PRKN: variants seen among roughly 807,000 people sequenced by gnomAD.
The protein encoded by PRKN is E3 ubiquitin-protein ligase parkin.
In PRKN, 56 loss-of-function variants were observed where a neutral mutation model predicts 59.5. The observed-to-expected ratio is 0.94, with a 90% confidence interval of 0.76 to 1.18. The LOEUF is 1.18. PRKN is among the 50% of genes most tolerant of loss of function. PRKN has a pLI of 0.00. For synonymous variants in PRKN, 250 were observed against 222.1 expected (o/e 1.13, Z -1.12); for missense variants, 657 against 596.4 (o/e 1.10, Z -1.06).
intron 7 of PRKN, among the ~76,000 whole-genome samples, chr6:161,626,808 C>T (rs1350005198): frequency 1.3e-5 from 2 of 152,222 alleles, no homozygotes; most frequent in Non-Finnish European, 2.9e-5. Context: ...GGCATTTATT[C>T]AGCACAAATT....
intron 5 of PRKN, among the ~76,000 whole-genome samples, chr6:162,030,705 C>T (rs1783602628): frequency 6.6e-6 from 1 of 152,120 alleles, no homozygotes; most frequent in Admixed American, 6.5e-5. Flanking sequence ...AATGAGAGAC[C>T]TGAGACCCTG....
chr6:162,359,725 A>G (rs1397891877), intron 2 of PRKN, among the ~76,000 whole-genome samples: 1 of 152,188 alleles, frequency 6.6e-6, no homozygotes, highest in East Asian at 1.9e-4. Flanking sequence ...TTCAGTGGTC[A>G]AATACGTTCA....
In PRKN at chr6:161,463,327, G is replaced by T. The variant is rs2115170784; in HGVS notation, c.1084-76450C>A. On this transcript the variant is annotated intron_variant, in intron 9 of 11. Coordinates refer to ENST00000366898, the MANE Select transcript of PRKN (RefSeq NM_004562.3). This position sits in a 1 kb window ranked among gnomAD's most constrained non-coding sequence, Gnocchi z 4.8. ...CCAGCTTTCAGAATGACGACTGTTT[G>T]GTTCTACCTGGCTTATCCTTACTGA... 6.6e-6 allele frequency among the ~76,000 whole-genome samples: 1 copy of T among 152,262 alleles called. No individual in the cohort carries two copies. The highest frequency in any genetic ancestry group is 2.1e-4 in the South Asian group (1 of 4,822).
At chr6:162,694,969 T>C (rs952778775) in intron 1 of PRKN, 2 of 152,216 alleles carry the variant, frequency 1.3e-5, no homozygotes, top group African/African-American at 2.4e-5. Context: ...TTTGTCAGTA[T>C]GCTTTTCATC....
At chr6:162,101,485 G>T (rs1457667961) in intron 4 of PRKN, among the ~76,000 whole-genome samples, 1 of 151,524 alleles carries the variant, frequency 6.6e-6, no homozygotes, top group Non-Finnish European at 1.5e-5. Context: ...TGGCTAACGT[G>T]GAGAAACCCT....
intron 1 of PRKN, among the ~76,000 whole-genome samples, chr6:162,681,371 G>T (rs1052221361): frequency 1.3e-5 from 2 of 152,158 alleles, no homozygotes; most frequent in Non-Finnish European, 2.9e-5. Flanking sequence ...ATTGAGGCAG[G>T]AGAATAGAGT....
At chr6:162,589,211 G>C (rs1484233498) in intron 1 of PRKN, among the ~76,000 whole-genome samples, 2 of 152,068 alleles carry the variant, frequency 1.3e-5, no homozygotes, top group Non-Finnish European at 2.9e-5. Context: ...ATACCCTTGA[G>C]ATAGTTCACA....
At chr6:162,174,247 AAATT>A (rs1418383180) in intron 4 of PRKN, among the ~76,000 whole-genome samples, 3 of 152,302 alleles carry the variant, frequency 2.0e-5, no homozygotes, top group African/African-American at 7.2e-5. Flanking sequence ...CACATATAGA[AAATT>A]TGTATCTTTA....
intron 9 of PRKN, among the ~76,000 whole-genome samples, chr6:161,389,781 C>G (rs530240189): frequency 6.6e-6 from 1 of 152,128 alleles, no homozygotes; most frequent in South Asian, 2.1e-4. Context: ...AAGGGAAAAC[C>G]GTTCACATCT....
chr6:162,475,613 G>A (rs1419495131), intron 1 of PRKN, among the ~76,000 whole-genome samples: 2 of 152,234 alleles, frequency 1.3e-5, no homozygotes, highest in Non-Finnish European at 2.9e-5. Flanking sequence ...GAGTGTGCAT[G>A]TGAGTGTACG....
chr6:162,408,298 A>C (rs913493045), intron 2 of PRKN, among the ~76,000 whole-genome samples: 15 of 152,170 alleles, frequency 9.9e-5, no homozygotes, highest in Admixed American at 6.5e-5. Context: ...TTCAGAAAAA[A>C]AAAACAAAAC....
intron 4 of PRKN, among the ~76,000 whole-genome samples, chr6:162,171,424 G>A (rs1364344416): frequency 6.6e-6 from 1 of 152,054 alleles, no homozygotes; most frequent in African/African-American, 2.4e-5. Flanking sequence ...CTTTTCTGAT[G>A]ATTTGGCTGA....
At chr6:161,772,498 C>A (rs1176527139) in intron 7 of PRKN, among the ~76,000 whole-genome samples, 1 of 152,138 alleles carries the variant, frequency 6.6e-6, no homozygotes, top group Non-Finnish European at 1.5e-5. Context: ...TGAGGTGGAA[C>A]CACCCAAAAC....
At chr6:161,982,030 A>C (rs1158294778) in intron 5 of PRKN, among the ~76,000 whole-genome samples, 4 of 152,212 alleles carry the variant, frequency 2.6e-5, no homozygotes, top group Admixed American at 1.3e-4. Flanking sequence ...AAGAAGTCTA[A>C]CTTAAAACAA....
chr6:161,890,097 C>G (rs927103942), intron 6 of PRKN, among the ~76,000 whole-genome samples: 3 of 152,198 alleles, frequency 2.0e-5, no homozygotes, highest in African/African-American at 7.2e-5. Flanking sequence ...ATTCTGCCGT[C>G]TCCCTTGTGT....
At chr6:162,643,408 A>AAAAAAG (rs1481272112) in intron 1 of PRKN, among the ~76,000 whole-genome samples, 1 of 150,172 alleles carries the variant, frequency 6.7e-6, no homozygotes, top group African/African-American at 2.4e-5. Flanking sequence ...AAAAAAAAAA[A>AAAAAAG]AAAAAAAGAA....
rs1779739362 is a variant in PRKN, at chr6:162,559,226, A to G, written c.8-115753T>C. On this transcript the variant is annotated intron_variant, in intron 1 of 11. Coordinates refer to ENST00000366898, the MANE Select transcript of PRKN (RefSeq NM_004562.3). ...TCAAACATTTTTGTGTTACCAGGAAATTCACTATAGAGAGAATGAAAACTA... is the reference window on the plus strand; with the variant it reads ...TCAAACATTTTTGTGTTACCAGGAAGTTCACTATAGAGAGAATGAAAACTA... Among the ~76,000 whole-genome samples the G allele has an allele frequency of 2.0e-5, 3 of 151,890 alleles. No individual in the cohort carries two copies. In the South Asian group the frequency reaches 6.2e-4, roughly 32 times the overall value.
At chr6:162,400,419 G>A (rs1410141125) in intron 2 of PRKN, among the ~76,000 whole-genome samples, 1 of 113,846 alleles carries the variant, frequency 8.8e-6, no homozygotes, top group Non-Finnish European at 1.7e-5. Flanking sequence ...AAATAAATCA[G>A]ACTTGCCTCT....
At chr6:162,100,527 TCC>T (rs1427422348) in intron 4 of PRKN, among the ~76,000 whole-genome samples, 2 of 151,144 alleles carry the variant, frequency 1.3e-5, no homozygotes, top group Admixed American at 6.6e-5. Flanking sequence ...CTGCAACCTC[TCC>T]CTCCTGAGTT....
Sources: gnomAD v4.1 joint callset for allele counts (sites outside exome capture counted in the v4.1 genomes callset) on GRCh38, gnomAD v4.1.1 for gene constraint, Gnocchi (gnomAD v3.1) non-coding constraint, MANE v1.5 for transcripts, NCBI Gene and HGNC (gene_info 2026-07-23, HGNC 2026-07-21) for gene names.